Variants in ASPH observed in about 807,000 individuals in gnomAD.
The protein encoded by ASPH is aspartate beta-hydroxylase, also known as aspartyl/asparaginyl beta-hydroxylase.
A neutral mutation model predicts 118.4 loss-of-function variants in ASPH; 100 were observed. That is an observed-to-expected ratio of 0.84 (90% CI 0.72 to 1.00). The LOEUF (loss-of-function observed/expected upper bound fraction) is 1.00. ASPH is among the 50% of genes least tolerant of loss of function. The probability of loss-of-function intolerance (pLI) is 0.00; values close to 1 mark genes in which losing one functional copy is unlikely to be tolerated. For synonymous variants in ASPH, 315 were observed against 325.6 expected (o/e 0.97, Z 0.35); for missense variants, 920 against 919.5 (o/e 1.00, Z -0.01).
At chr8:61,634,776 C>A (rs1857031571) in intron 12 of ASPH, among the ~76,000 whole-genome samples, 1 of 152,190 alleles carries the variant, frequency 6.6e-6, no homozygotes, top group East Asian at 1.9e-4. Context: ...ATTTCTTTTA[C>A]TTTTGTTATT....
At chr8:61,538,950 A>C (rs562927046) in intron 21 of ASPH, among the ~76,000 whole-genome samples, 1 of 152,240 alleles carries the variant, frequency 6.6e-6, no homozygotes, top group Non-Finnish European at 1.5e-5. Context: ...AATACAAAAA[A>C]TATATTTTAG....
chr8:61,589,906 G>A lies in ASPH; in HGVS notation c.977-5877C>T, dbSNP rs147924599. On this transcript the variant is annotated intron_variant, in intron 14 of 24. Coordinates refer to ENST00000379454, the MANE Select transcript of ASPH (RefSeq NM_004318.4). ...AGGAGTGGTACTAATCTATTTGGGA[G>A]GGGAGCCTTCTTGGGGAAACTAAAA... Among the ~76,000 whole-genome samples the A allele has an allele frequency of 6.2e-3, 944 of 152,278 alleles. 14 individuals are homozygous for A. The highest frequency in any genetic ancestry group is 0.022 in the African/African-American group (897 of 41,556).
At chr8:61,651,894 T>C (rs1811207362) in intron 4 of ASPH, among the ~76,000 whole-genome samples, 4 of 152,236 alleles carry the variant, frequency 2.6e-5, no homozygotes, top group Admixed American at 2.0e-4. Flanking sequence ...TAATCTATGT[T>C]CAGTGAATAG....
intron 22 of ASPH, among the ~76,000 whole-genome samples, chr8:61,521,073 T>C (rs1479233549): frequency 1.3e-5 from 2 of 152,190 alleles, no homozygotes; most frequent in Non-Finnish European, 2.9e-5. Context: ...GGCAGTTCCT[T>C]GATGCTCACG....
chr8:61,614,455 A>G (rs1564015815), intron 14 of ASPH, among the ~76,000 whole-genome samples: 2 of 152,228 alleles, frequency 1.3e-5, no homozygotes, highest in Admixed American at 6.5e-5. Flanking sequence ...GTGTTCAGTG[A>G]ATTTGTCAAA....
chr8:61,579,775 G>A (rs1836810316), intron 15 of ASPH: 8 of 783,392 alleles, frequency 1.0e-5, no homozygotes, highest in Non-Finnish European at 1.8e-5. Context: ...ACCCACCTGA[G>A]GCTCAGCCCT....
At chr8:61,690,912 AGTGT>A (rs146322501) in intron 1 of ASPH, among the ~76,000 whole-genome samples, 3 of 151,130 alleles carry the variant, frequency 2.0e-5, no homozygotes, top group African/African-American at 7.3e-5. Context: ...TCCGTCTGAG[AGTGT>A]GTGTGTGTGT....
intron 13 of ASPH, 95 bp from the exon 14 acceptor site, chr8:61,619,114 A>T: frequency 1.3e-6 from 1 of 790,730 alleles, no homozygotes; most frequent in Non-Finnish European, 2.0e-6. Context: ...CAATAAGTAT[A>T]ATCAAAGAAA....
chr8:61,529,377 C>T (rs1053750858), intron 21 of ASPH, among the ~76,000 whole-genome samples: 9 of 152,148 alleles, frequency 5.9e-5, no homozygotes, highest in South Asian at 2.1e-4. Context: ...CCCTGGTGAG[C>T]GCCCTGCAGA....
chr8:61,607,039 G>A, intron 14 of ASPH: 1 of 447,136 alleles, frequency 2.2e-6, no homozygotes, highest in Non-Finnish European at 4.0e-6. Context: ...TGCCAGCAGT[G>A]TGTCATTTCC....
chr8:61,552,996 T>C (rs1826546137), intron 20 of ASPH, 35 bp downstream of exon 20: 1 of 1,489,450 alleles, frequency 6.7e-7, no homozygotes, highest in East Asian at 2.3e-5. Context: ...CTCCATCCTC[T>C]GTTAGAGAGA....
chr8:61,530,743 A>G (rs1817264785), intron 21 of ASPH, among the ~76,000 whole-genome samples: 1 of 152,192 alleles, frequency 6.6e-6, no homozygotes, highest in Non-Finnish European at 1.5e-5. Context: ...AAATATTACT[A>G]CAGGTCTTAT....
intron 21 of ASPH, among the ~76,000 whole-genome samples, chr8:61,529,327 G>A (rs1391471493): frequency 6.6e-6 from 1 of 152,174 alleles, no homozygotes; most frequent in Non-Finnish European, 1.5e-5. Flanking sequence ...TGTGGGTACT[G>A]GTCAGGAGCA....
intron 17 of ASPH, among the ~76,000 whole-genome samples, chr8:61,566,027 C>A (rs10086389): frequency 6.6e-6 from 1 of 152,056 alleles, no homozygotes; most frequent in Non-Finnish European, 1.5e-5. Context: ...TTACTGCTCA[C>A]TGATAAGCAC....
At position 61,646,796 on chromosome 8, in the gene ASPH, A is replaced by G. The variant is rs1359389378; in HGVS notation, c.573T>C (p.Asp191=). Reference sequence around the variant, plus strand: ...CCAGGGTCTCAAATCTATCATCTACATCAGTCGCCATAAGAAACTCATCAT... The same window carrying G: ...CCAGGGTCTCAAATCTATCATCTACGTCAGTCGCCATAAGAAACTCATCAT... The part of the protein sequence containing the change: ...QEDDEFLMAT[D]VDDRFETLEP... The change falls in exon 6 of 25, where the codon GAT becomes GAC. Residue 191 remains aspartate, a synonymous_variant. Transcript: ENST00000379454. 1 of 1,613,924 alleles carries G rather than the reference A, an allele frequency of 6.2e-7. No homozygotes were observed. Among genetic ancestry groups the G allele is most frequent in the Non-Finnish European group, 8.5e-7 (1 of 1,179,946 alleles).
intron 1 of ASPH, among the ~76,000 whole-genome samples, chr8:61,700,424 G>GTTAAGTTTAAA (rs1834956777): frequency 6.6e-6 from 1 of 152,192 alleles, no homozygotes; most frequent in Non-Finnish European, 1.5e-5. Context: ...TAAAAAGAGT[G>GTTAAGTTTAAA]ACTGAGATGT....
intron 14 of ASPH, 138 bp downstream of exon 14, chr8:61,618,840 A>C: frequency 1.5e-6 from 1 of 676,814 alleles, no homozygotes; most frequent in Non-Finnish European, 2.4e-6. Context: ...GTTCTTTGAT[A>C]AATCATTGAA....
intron 4 of ASPH, among the ~76,000 whole-genome samples, chr8:61,651,946 A>G (rs776558157): frequency 5.3e-5 from 8 of 152,206 alleles, no homozygotes; most frequent in Non-Finnish European, 1.0e-4. Flanking sequence ...GTCATGTGAG[A>G]TAATGCCAGT....
At chr8:61,621,979 G>C (rs1009999723) in intron 13 of ASPH, among the ~76,000 whole-genome samples, 3 of 152,146 alleles carry the variant, frequency 2.0e-5, no homozygotes, top group African/African-American at 7.2e-5. Flanking sequence ...TTACTAAAAA[G>C]AATGGGATAT....
Sources: allele counts gnomAD v4.1 joint callset (sites outside exome capture counted in the v4.1 genomes callset), GRCh38; gene constraint gnomAD v4.1.1; transcripts MANE v1.5; gene names NCBI Gene and HGNC (gene_info 2026-07-23, HGNC 2026-07-21).